Variants in CNOT6 observed in about 807,000 individuals in gnomAD.
CNOT6 encodes the protein CCR4-NOT transcription complex subunit 6, also known as carbon catabolite repression 4 protein.
A neutral mutation model predicts 61.2 loss-of-function variants in CNOT6; 12 were observed. The observed-to-expected ratio is 0.20, with a 90% CI of 0.13 to 0.32. The LOEUF is 0.32. Among genes scored for constraint, CNOT6 ranks in the 10% least tolerant of loss-of-function variants. The probability of loss-of-function intolerance (pLI) is 1.00; values close to 1 mark genes in which losing one functional copy is unlikely to be tolerated. For missense variants in CNOT6, 405 were observed against 663.9 expected (o/e 0.61, Z 4.28); for synonymous variants, 225 against 240.6 (o/e 0.94, Z 0.60).
chr5:180,556,324 CA>C (rs1407628290), intron 4 of CNOT6, among the ~76,000 whole-genome samples: 1 of 152,166 alleles, frequency 6.6e-6, no homozygotes, highest in Non-Finnish European at 1.5e-5. Context: ...TTCATTTACA[CA>C]GGGGGAATAG....
chr5:180,571,824 G>T (rs555443258), intron 11 of CNOT6, among the ~76,000 whole-genome samples: 1 of 151,982 alleles, frequency 6.6e-6, no homozygotes, highest in Non-Finnish European at 1.5e-5. Flanking sequence ...CAGCCTCCCA[G>T]TGTGCTGGGA....
chr5:180,498,072 T>G (rs1470464748), intron 1 of CNOT6, among the ~76,000 whole-genome samples: 3 of 151,682 alleles, frequency 2.0e-5, no homozygotes, highest in African/African-American at 7.3e-5. Flanking sequence ...CTGAGTAAAC[T>G]GTAAACATAT....
chr5:180,518,189 T>C (rs764569320), intron 1 of CNOT6, among the ~76,000 whole-genome samples: 1 of 152,330 alleles, frequency 6.6e-6, no homozygotes, highest in Non-Finnish European at 1.5e-5. Flanking sequence ...TTCTTACTGC[T>C]CAAATGGTCA....
intron 1 of CNOT6, among the ~76,000 whole-genome samples, chr5:180,512,806 C>T (rs1354447437): frequency 6.6e-6 from 1 of 152,118 alleles, no homozygotes; most frequent in African/African-American, 2.4e-5. Context: ...CCATATTGGT[C>T]AGGCTAGTCT....
chr5:180,537,331 T>C (rs1179434874), intron 2 of CNOT6, among the ~76,000 whole-genome samples: 1 of 152,164 alleles, frequency 6.6e-6, no homozygotes, highest in Non-Finnish European at 1.5e-5. Flanking sequence ...TCCTGATAGG[T>C]GTGTAGCAGT....
intron 1 of CNOT6, among the ~76,000 whole-genome samples, chr5:180,509,019 A>G (rs550502335): frequency 1.3e-5 from 2 of 151,998 alleles, no homozygotes; most frequent in East Asian, 1.9e-4. Flanking sequence ...GACAGGTTTC[A>G]CCATATTGAT....
At chr5:180,511,862 T>A (rs1018805083) in intron 1 of CNOT6, among the ~76,000 whole-genome samples, 2 of 152,190 alleles carry the variant, frequency 1.3e-5, no homozygotes, top group Non-Finnish European at 2.9e-5. Flanking sequence ...GCTCAAGCAA[T>A]CCTCCCACCT....
At chr5:180,567,058 G>T in intron 7 of CNOT6, 30 bp from the exon 8 acceptor site, 1 of 1,575,342 alleles carries the variant, frequency 6.3e-7, no homozygotes, top group East Asian at 2.3e-5. Flanking sequence ...TTTGTCTTAT[G>T]AAATAACTGT....
chr5:180,570,142 G>C (rs1460030314), intron 10 of CNOT6, among the ~76,000 whole-genome samples: 1 of 152,142 alleles, frequency 6.6e-6, no homozygotes, highest in Admixed American at 6.5e-5. Flanking sequence ...CAGATCAGTT[G>C]AGGCCAGCAG....
chr5:180,507,520 T>C (rs1428589679), intron 1 of CNOT6, among the ~76,000 whole-genome samples: 1 of 152,164 alleles, frequency 6.6e-6, no homozygotes, highest in East Asian at 1.9e-4. Context: ...GAGAATCACT[T>C]GAACTCGGGA....
intron 1 of CNOT6, among the ~76,000 whole-genome samples, chr5:180,513,099 T>C (rs555336104): frequency 3.3e-5 from 5 of 150,786 alleles, no homozygotes; most frequent in Admixed American, 3.3e-4. Flanking sequence ...GCATTTCACC[T>C]TGTTAGCCAG....
At chr5:180,544,456 C>A (rs1035463282) in intron 2 of CNOT6, among the ~76,000 whole-genome samples, 6 of 152,132 alleles carry the variant, frequency 3.9e-5, no homozygotes, top group African/African-American at 1.4e-4. Context: ...GAAATTTATT[C>A]CAGAATCGTG....
At chr5:180,573,149 G>A (rs1005992077) in intron 11 of CNOT6, among the ~76,000 whole-genome samples, 1 of 152,180 alleles carries the variant, frequency 6.6e-6, no homozygotes, top group African/African-American at 2.4e-5. Flanking sequence ...TTCTGTTGCT[G>A]ATGCAGTGGC....
intron 1 of CNOT6, among the ~76,000 whole-genome samples, chr5:180,504,955 A>ATTTTTTTTTT (rs769852255): frequency 1.9e-4 from 19 of 101,506 alleles, no homozygotes; most frequent in East Asian, 2.6e-4. Flanking sequence ...GTACTAGTTA[A>ATTTTTTTTTT]TTTTTTTTTT....
Position 180,513,511 on chromosome 5 carries a change from A to G in CNOT6, c.-2-15764A>G, listed in dbSNP as rs533080035. Among the ~76,000 whole-genome samples the G allele has an allele frequency of 1.1e-4, 16 of 150,264 alleles. No homozygotes were observed. The South Asian group carries it at 2.5e-3, about 24-fold the overall frequency. On this transcript the variant is annotated intron_variant, in intron 1 of 11. Coordinates refer to ENST00000261951, the MANE Select transcript of CNOT6 (RefSeq NM_001370472.1). ...CTTCCCTACTCTTAGAGTAGCTGGGATACAGTCGCGTGCCACCAGGCCCAG... is the reference window on the plus strand; with the variant it reads ...CTTCCCTACTCTTAGAGTAGCTGGGGTACAGTCGCGTGCCACCAGGCCCAG...
intron 1 of CNOT6, among the ~76,000 whole-genome samples, chr5:180,527,461 T>C (rs977821008): frequency 1.3e-5 from 2 of 152,218 alleles, no homozygotes; most frequent in Non-Finnish European, 2.9e-5. Flanking sequence ...ATTCACAACA[T>C]GATAGTTACT....
At chr5:180,502,325 T>C (rs993745634) in intron 1 of CNOT6, among the ~76,000 whole-genome samples, 1 of 152,228 alleles carries the variant, frequency 6.6e-6, no homozygotes, top group East Asian at 1.9e-4. Context: ...GATTATCTGA[T>C]GTAAAATCAT....
chr5:180,544,772 CTT>C (rs1368049904), intron 2 of CNOT6, among the ~76,000 whole-genome samples: 2 of 152,176 alleles, frequency 1.3e-5, no homozygotes, highest in Admixed American at 6.5e-5. Flanking sequence ...CTTCCCCTCT[CTT>C]GAGTGAAGAG....
At chr5:180,543,877 C>A (rs1759168804) in intron 2 of CNOT6, among the ~76,000 whole-genome samples, 1 of 152,002 alleles carries the variant, frequency 6.6e-6, no homozygotes, top group Admixed American at 6.6e-5. Context: ...GTGGCACGAT[C>A]TCAGCTCACT....
Sources: gnomAD v4.1 joint callset for allele counts (sites outside exome capture counted in the v4.1 genomes callset) on GRCh38, gnomAD v4.1.1 for gene constraint, MANE v1.5 for transcripts, NCBI Gene and HGNC (gene_info 2026-07-23, HGNC 2026-07-21) for gene names.